Variants in ANTXRL observed in about 807,000 individuals in gnomAD.
ANTXRL encodes the protein anthrax toxin receptor-like.
A neutral mutation model predicts 75.4 loss-of-function variants in ANTXRL; 63 were observed. That is an observed-to-expected ratio of 0.84 (90% CI 0.68 to 1.03). The LOEUF is 1.03. Among genes scored for constraint, ANTXRL ranks in the 50% least tolerant of loss-of-function variants. The pLI is 0.00. For missense variants in ANTXRL, 797 were observed against 789.4 expected (o/e 1.01, Z -0.12); for synonymous variants, 335 against 291.3 (o/e 1.15, Z -1.53).
chr10:46,306,960 C>A, intron 11 of ANTXRL, 88 bp downstream of exon 11: 1 of 1,125,804 alleles, frequency 8.9e-7, no homozygotes, highest in Non-Finnish European at 1.2e-6. Context: ...GGATGCCCCC[C>A]ACCCCCTGCT....
chr10:46,307,004 A>G, intron 11 of ANTXRL, 132 bp downstream of exon 11: 1 of 748,986 alleles, frequency 1.3e-6, no homozygotes, highest in Non-Finnish European at 2.1e-6. Context: ...CGCAAAGAGC[A>G]CCCTCCTCCC....
At chr10:46,319,272 A>G (rs1225046089) in intron 16 of ANTXRL, among the ~76,000 whole-genome samples, 1 of 152,206 alleles carries the variant, frequency 6.6e-6, no homozygotes, top group Non-Finnish European at 1.5e-5. Context: ...TGTCACCATC[A>G]AAAATGAGTT....
At chr10:46,309,004 G>A in intron 12 of ANTXRL, 109 bp from the exon 13 acceptor site, 1 of 1,460,916 alleles carries the variant, frequency 6.8e-7, no homozygotes, top group South Asian at 1.3e-5. Flanking sequence ...GTAGTACCCG[G>A]ATGCGGGGCC....
At chr10:46,316,909 C>G (rs1157186032) in intron 16 of ANTXRL, among the ~76,000 whole-genome samples, 1 of 151,880 alleles carries the variant, frequency 6.6e-6, no homozygotes, top group Non-Finnish European at 1.5e-5. Flanking sequence ...ATGTGCACAT[C>G]AGGTGGATTG....
chr10:46,315,677 C>T lies in ANTXRL; in HGVS notation c.1410+2361C>T, dbSNP rs201983293. Reference sequence around the variant, plus strand: ...GCTGACCTGGGGAGTGTGATAAGCTCGGGAAGTTGATGAGCCTGTTTGACT... The same window carrying T: ...GCTGACCTGGGGAGTGTGATAAGCTTGGGAAGTTGATGAGCCTGTTTGACT... On this transcript the variant is annotated intron_variant, in intron 16 of 16. Coordinates refer to ENST00000620264, the MANE Select transcript of ANTXRL (RefSeq NM_001278688.3). 1.2e-4 allele frequency among the ~76,000 whole-genome samples: 19 copies of T among 152,154 alleles called. No homozygotes were observed. The East Asian group carries it at 1.7e-3, about 14-fold the overall frequency.
intron 14 of ANTXRL, 101 bp downstream of exon 14, chr10:46,310,600 T>A: frequency 7.8e-7 from 1 of 1,279,710 alleles, no homozygotes; most frequent in Non-Finnish European, 1.1e-6. Context: ...TCCATCTGCT[T>A]GAGCAGAGAA....
In ANTXRL at chr10:46,329,624, C is replaced by T. The variant is rs184230259; in HGVS notation, c.1436C>T (p.Ala479Val). The T allele has an allele frequency of 2.6e-5, 40 of 1,536,296 alleles. No individual in the cohort carries two copies. Among genetic ancestry groups the T allele is most frequent in the Non-Finnish European group, 3.5e-5 (40 of 1,146,804 alleles). The change falls in exon 17 of 17, where the codon GCA becomes GTA. Residue 479 changes from alanine (A) to valine (V), a missense_variant. By Grantham distance (64) the Ala-to-Val change is moderately conservative (BLOSUM62 0). Coordinates refer to ENST00000620264, the MANE Select transcript of ANTXRL (RefSeq NM_001278688.3). ...DQGRYLSLAL[A>V]QSQYAQAPCC... ...GGGAGGTACCTCAGCTTAGCCCTTG[C>T]ACAGTCCCAATATGCACAGGCTCCC...
chr10:46,292,224 T>C lies in ANTXRL; in HGVS notation c.320+95T>C, dbSNP rs1355021107. The stretch of plus-strand genomic sequence containing the variant: ...CACATCCCATCAGATGGGGTGGGCG[T>C]GGGAGTCCTTCAGTGGGGGACACAG... On this transcript the variant is annotated intron_variant, in intron 2 of 16. Coordinates refer to ENST00000620264, the MANE Select transcript of ANTXRL (RefSeq NM_001278688.3). 3.3e-6 allele frequency: 4 copies of C among 1,212,638 alleles called. No homozygotes were observed. The African/African-American group carries it at 6.0e-5, about 18-fold the overall frequency. 75.1% of individuals were successfully genotyped at this position (1,212,638 alleles called of 1,614,324 possible). A position where few individuals can be genotyped will look rare whatever the true frequency, so the allele number is the denominator to read the frequency against.
Position 46,309,152 on chromosome 10 carries a change from C to G in ANTXRL, c.1084C>G (p.Leu362Val). Reference protein sequence around the residue: ...RNWLYFVPLLLLVPLLLCCVW... With the variant: ...RNWLYFVPLLVLVPLLLCCVW... ...CTGGCTCTATTTTGTGCCACTCCTG[C>G]TGCTTGTGCCACTGCTGCTGTGTTG... is the stretch of plus-strand genomic sequence containing the variant. The change falls in exon 13 of 17, where the codon CTG (leucine) becomes GTG (valine). Residue 362 changes from leucine to valine, a missense_variant. Transcript: ENST00000620264. 6.5e-7 allele frequency: 1 copy of G among 1,535,758 alleles called. No homozygotes were observed. Among genetic ancestry groups the G allele is most frequent in the Non-Finnish European group, 8.7e-7 (1 of 1,146,658 alleles).
rs1554963517 is a variant in ANTXRL, at chr10:46,311,595, T to C, written c.1259T>C (p.Val420Ala). 1 of 1,441,104 alleles carries C rather than the reference T, an allele frequency of 6.9e-7. No individual in the cohort carries two copies. Among genetic ancestry groups the C allele is most frequent in the South Asian group, 1.2e-5 (1 of 82,142 alleles). 89.3% of individuals were successfully genotyped at this position (1,441,104 alleles called of 1,614,324 possible). ...PPLPPPPPAPVNTCPTVIICC... is the reference protein window; with the variant it reads ...PPLPPPPPAPANTCPTVIICC... ...CTCCCGCCTCCGCCCCCAGCTCCTGTAAACACCTGCCCCACTGTGATTATT... is the reference window on the plus strand; with the variant it reads ...CTCCCGCCTCCGCCCCCAGCTCCTGCAAACACCTGCCCCACTGTGATTATT... Residue 420 changes from valine (V) to alanine (A), a missense_variant, in exon 15 of 17, where the codon GTA (valine) becomes GCA (alanine). By Grantham distance (64) the Val-to-Ala change is moderately conservative. This residue lies in a region of ANTXRL where 479 missense variants were observed against 422.0 expected (regional missense o/e 1.14). Transcript: ENST00000620264.
At chr10:46,296,966 C>T (rs559845097) in intron 5 of ANTXRL, among the ~76,000 whole-genome samples, 3 of 152,252 alleles carry the variant, frequency 2.0e-5, no homozygotes, top group East Asian at 1.9e-4. Context: ...TGGTGCAGGT[C>T]GCTAGTGGGT....
intron 15 of ANTXRL, among the ~76,000 whole-genome samples, chr10:46,312,840 C>T (rs1255765540): frequency 2.0e-5 from 3 of 151,146 alleles, no homozygotes; most frequent in Admixed American, 1.3e-4. Context: ...GCATGGTCCT[C>T]TCACCTGCCT....
chr10:46,329,476 C>A, intron 16 of ANTXRL, 123 bp from the exon 17 acceptor site: 1 of 1,294,018 alleles, frequency 7.7e-7, no homozygotes, highest in South Asian at 1.5e-5. Flanking sequence ...AGGAGCACAG[C>A]AAGGCCCACC....
intron 9 of ANTXRL, among the ~76,000 whole-genome samples, chr10:46,299,661 G>A (rs1355395176): frequency 6.6e-6 from 1 of 152,166 alleles, no homozygotes; most frequent in Non-Finnish European, 1.5e-5. Flanking sequence ...CAGACACACC[G>A]TATATGTCTG....
At chr10:46,325,387 G>T (rs1267601602) in intron 16 of ANTXRL, among the ~76,000 whole-genome samples, 1 of 152,100 alleles carries the variant, frequency 6.6e-6, no homozygotes, top group Non-Finnish European at 1.5e-5. Context: ...AAAATGAGAA[G>T]GTCCCTTTGG....
intron 2 of ANTXRL, among the ~76,000 whole-genome samples, chr10:46,293,264 AC>A (rs1381822043): frequency 2.1e-5 from 2 of 95,116 alleles, no homozygotes; most frequent in Admixed American, 2.2e-4. Flanking sequence ...GGGTGTGTAT[AC>A]CTGTGCGTGT....
chr10:46,316,351 T>C (rs1838724289), intron 16 of ANTXRL, among the ~76,000 whole-genome samples: 1 of 151,998 alleles, frequency 6.6e-6, no homozygotes, highest in Non-Finnish European at 1.5e-5. Flanking sequence ...CAAACTAATA[T>C]ATGCCATAAC....
At chr10:46,305,749 A>G (rs781932069) in intron 10 of ANTXRL, among the ~76,000 whole-genome samples, 11 of 152,172 alleles carry the variant, frequency 7.2e-5, no homozygotes, top group Non-Finnish European at 1.3e-4. Context: ...TCCCACAAAA[A>G]TGAGTAAATA....
intron 16 of ANTXRL, among the ~76,000 whole-genome samples, chr10:46,328,747 G>A (rs567555320): frequency 1.2e-4 from 18 of 152,108 alleles, no homozygotes; most frequent in South Asian, 1.0e-3. Flanking sequence ...AGCAGGCTTC[G>A]TTAGTAAGGA....
Sources: gnomAD v4.1 joint callset for allele counts (sites outside exome capture counted in the v4.1 genomes callset) on GRCh38, gnomAD v4.1.1 for gene constraint, gnomAD v4.1.1 regional missense constraint, MANE v1.5 for transcripts, NCBI Gene and HGNC (gene_info 2026-07-23, HGNC 2026-07-21) for gene names.